The following CPPED1 variants were observed in gnomAD, a reference collection of about 807,000 sequenced individuals.
CPPED1 encodes the protein calcineurin like phosphoesterase domain containing 1.
Under a neutral mutation model 28.0 loss-of-function variants are expected in CPPED1, and 28 were observed. That is an observed-to-expected ratio of 1.00 (90% confidence interval 0.74 to 1.37). The LOEUF is 1.37. Among genes scored for constraint, CPPED1 ranks in the 40% most tolerant of loss-of-function variants. The pLI is 0.00. For missense variants in CPPED1, 504 were observed against 416.5 expected (o/e 1.21, Z -1.83); for synonymous variants, 198 against 180.2 (o/e 1.10, Z -0.79).
chr16:12,803,887 C>CGGGGCGGGACT (rs3833561), upstream of CPPED1: 8,984 of 807,198 alleles, frequency 0.011, 187 homozygotes, highest in East Asian at 0.086. Context: ...CCTTTGATCT[C>CGGGGCGGGACT]GGGGCGGGAC....
rs1596433438 is a variant in CPPED1 at position 12,663,179 on chromosome 16, G to T, written c.*1707C>A. On this transcript the variant is annotated 3_prime_UTR_variant, in exon 4 of 4. Coordinates refer to ENST00000381774, the MANE Select transcript of CPPED1 (RefSeq NM_018340.3). Reference sequence around the variant, plus strand: ...TGAGTTCCAGCGATCTCCTGCCTCAGCCTCCCGAGTAGCTGGGATTACAGG... The same window carrying T: ...TGAGTTCCAGCGATCTCCTGCCTCATCCTCCCGAGTAGCTGGGATTACAGG... 1.3e-5 allele frequency: 2 copies of T among 151,258 alleles called. No individual in the cohort carries two copies. Among genetic ancestry groups the T allele is most frequent in the African/African-American group, 4.9e-5 (2 of 41,026 alleles). 9.4% of individuals were successfully genotyped at this position (151,258 alleles called of 1,614,324 possible).
chr16:12,707,537 A>G (rs1304772445), intron 2 of CPPED1, among the ~76,000 whole-genome samples: 3 of 152,166 alleles, frequency 2.0e-5, no homozygotes. Context: ...GGTGCAGAGC[A>G]TCTCCTGTTC....
At chr16:12,755,256 T>C (rs946822330) in intron 2 of CPPED1, among the ~76,000 whole-genome samples, 3 of 151,612 alleles carry the variant, frequency 2.0e-5, no homozygotes, top group Non-Finnish European at 4.4e-5. Context: ...CAGGGTAACC[T>C]TCTCACAAGC....
rs952203411 is a variant in CPPED1, at chr16:12,774,334, G to T, written c.289+6851C>A. 2.0e-5 allele frequency among the ~76,000 whole-genome samples: 3 copies of T among 152,094 alleles called. No individual in the cohort carries two copies. The East Asian group carries it at 5.8e-4, about 30-fold the overall frequency. On this transcript the variant is annotated intron_variant, in intron 2 of 3. Coordinates refer to ENST00000381774, the MANE Select transcript of CPPED1 (RefSeq NM_018340.3). ...ATTACAAAAATTAGCCAGGTGTGGT[G>T]GCAGGCGCCTGTAATCCCAGCTACT...
chr16:12,690,764 A>C (rs1269368210), intron 3 of CPPED1, among the ~76,000 whole-genome samples: 1 of 152,134 alleles, frequency 6.6e-6, no homozygotes, highest in African/African-American at 2.4e-5. Flanking sequence ...GCTTACTATG[A>C]AAGAAAAATT....
chr16:12,803,668 G>GCC (rs1415675814), intron 1 of CPPED1, 39 bp downstream of exon 1: 2 of 1,447,068 alleles, frequency 1.4e-6, no homozygotes, highest in Middle Eastern at 3.6e-4. Context: ...AGGTTCCGCA[G>GCC]CCCCAGAGTC....
chr16:12,667,600 T>C (rs1389282296), intron 3 of CPPED1, among the ~76,000 whole-genome samples: 1 of 151,974 alleles, frequency 6.6e-6, no homozygotes, highest in Admixed American at 6.6e-5. Context: ...TAAAAAATAG[T>C]AAAATAAATG....
At chr16:12,745,000 G>A (rs1441852589) in intron 2 of CPPED1, among the ~76,000 whole-genome samples, 2 of 152,028 alleles carry the variant, frequency 1.3e-5, no homozygotes, top group East Asian at 1.9e-4. Flanking sequence ...AAATACAAAA[G>A]TAAAAATAAC....
At chr16:12,689,940 T>C (rs2079953582) in intron 3 of CPPED1, among the ~76,000 whole-genome samples, 1 of 152,236 alleles carries the variant, frequency 6.6e-6, no homozygotes, top group Non-Finnish European at 1.5e-5. Flanking sequence ...TCTCTGTTCA[T>C]CCTGAGTTGC....
intron 2 of CPPED1, among the ~76,000 whole-genome samples, chr16:12,758,041 G>T (rs938902): frequency 0.19 from 28,497 of 151,858 alleles, 3,292 homozygotes; most frequent in Non-Finnish European, 0.26. Context: ...AAGAGCTGGA[G>T]AGTCAAAGAA....
intron 1 of CPPED1, among the ~76,000 whole-genome samples, chr16:12,783,225 C>T (rs2080542824): frequency 6.6e-6 from 1 of 152,142 alleles, no homozygotes; most frequent in Non-Finnish European, 1.5e-5. Flanking sequence ...ACAGACAGGG[C>T]CAGGCGCCAC....
At chr16:12,746,480 G>A (rs1421394176) in intron 2 of CPPED1, among the ~76,000 whole-genome samples, 5 of 110,786 alleles carry the variant, frequency 4.5e-5, no homozygotes, top group African/African-American at 1.4e-4. Flanking sequence ...ATCATCAGCA[G>A]CCTGGGGCTG....
intron 1 of CPPED1, among the ~76,000 whole-genome samples, chr16:12,792,117 A>G (rs906992547): frequency 5.3e-5 from 8 of 151,970 alleles, no homozygotes; most frequent in Admixed American, 2.6e-4. Context: ...ACACCCAGCT[A>G]ATGTTTTGTA....
At chr16:12,667,191 T>C (rs1251995672) in intron 3 of CPPED1, among the ~76,000 whole-genome samples, 1 of 152,166 alleles carries the variant, frequency 6.6e-6, no homozygotes, top group Middle Eastern at 3.2e-3. Flanking sequence ...CTGCTGCCCA[T>C]GGAGAAATCA....
rs1246526626 is a variant in CPPED1 at position 12,709,985 on chromosome 16, GGAAGA to G, written c.290-4941_290-4937del. ...GAAGGAAGGCAAGGAAGGAAGGAAG[GGAAGA>G]GAAGAGAAGGAAGGAAGGGAAGGAA... On this transcript the variant is annotated intron_variant, in intron 2 of 3. Transcript: ENST00000381774. This position sits in a 1 kb window ranked among gnomAD's most constrained non-coding sequence, Gnocchi z 4.4. Among the ~76,000 whole-genome samples, 34 of 148,218 alleles carry G rather than the reference GGAAGA, an allele frequency of 2.3e-4. No homozygotes were observed. Among genetic ancestry groups the G allele is most frequent in the Non-Finnish European group, 3.4e-4 (23 of 67,016 alleles).
chr16:12,692,804 C>G (rs531883591), intron 3 of CPPED1, among the ~76,000 whole-genome samples: 1 of 152,310 alleles, frequency 6.6e-6, no homozygotes, highest in Admixed American at 6.5e-5. Context: ...GGAGTGAGAT[C>G]AGAGAATACT....
At chr16:12,779,804 T>A (rs2141237915) in intron 2 of CPPED1, among the ~76,000 whole-genome samples, 1 of 152,168 alleles carries the variant, frequency 6.6e-6, no homozygotes, top group Admixed American at 6.5e-5. Context: ...GAGTTAGACA[T>A]CATCACAGAA....
At chr16:12,689,252 G>A (rs2079949755) in intron 3 of CPPED1, among the ~76,000 whole-genome samples, 2 of 138,240 alleles carry the variant, frequency 1.4e-5, no homozygotes, top group South Asian at 2.3e-4. Context: ...AAAGACACAG[G>A]GTCTCACTCT....
In CPPED1 at chr16:12,662,293, C is replaced by T. The variant is rs1186747264; in HGVS notation, c.*2593G>A. ...TAGATGCTTATCTACAAAAACATTT[C>T]CTGACTTCTTGCTGAACCTCTTGCC... is the stretch of plus-strand genomic sequence containing the variant. On this transcript the variant is annotated 3_prime_UTR_variant, in exon 4 of 4. Coordinates refer to ENST00000381774, the MANE Select transcript of CPPED1 (RefSeq NM_018340.3). The T allele has an allele frequency of 1.3e-5, 2 of 152,132 alleles. No homozygotes were observed. The highest frequency in any genetic ancestry group is 4.8e-5 in the African/African-American group (2 of 41,436). 9.4% of individuals were successfully genotyped at this position (152,132 alleles called of 1,614,324 possible).
Sources: gnomAD v4.1 joint callset for allele counts (sites outside exome capture counted in the v4.1 genomes callset) on GRCh38, gnomAD v4.1.1 for gene constraint, Gnocchi (gnomAD v3.1) non-coding constraint, MANE v1.5 for transcripts, NCBI Gene and HGNC (gene_info 2026-07-23, HGNC 2026-07-21) for gene names.